The following STAC variants were observed in gnomAD, a reference collection of about 807,000 sequenced individuals.
STAC encodes the protein SH3 and cysteine-rich domain-containing protein.
STAC carries 43 observed loss-of-function variants against 48.8 expected under a neutral mutation model. The ratio of observed to expected loss-of-function variants is 0.88; its 90% CI spans 0.69 to 1.14. The LOEUF is 1.14. STAC is among the 50% of genes most tolerant of loss of function. STAC has a pLI of 0.00. For missense variants in STAC, 497 were observed against 504.0 expected (o/e 0.99, Z 0.13); for synonymous variants, 193 against 179.5 (o/e 1.07, Z -0.60).
intron 10 of STAC, among the ~76,000 whole-genome samples, chr3:36,541,456 T>C (rs1250556019): frequency 2.0e-5 from 3 of 152,350 alleles, no homozygotes; most frequent in South Asian, 4.1e-4. Flanking sequence ...GAGTGATTGA[T>C]GCAGAACTAA....
intron 2 of STAC, among the ~76,000 whole-genome samples, chr3:36,450,389 A>G (rs1192772622): frequency 6.6e-6 from 1 of 152,258 alleles, no homozygotes; most frequent in Non-Finnish European, 1.5e-5. Context: ...CCCAAAAGGC[A>G]GCCTGACACA....
At chr3:36,427,927 A>C (rs1351317271) in intron 1 of STAC, among the ~76,000 whole-genome samples, 1 of 152,196 alleles carries the variant, frequency 6.6e-6, no homozygotes, top group Non-Finnish European at 1.5e-5. Flanking sequence ...GCAAGCCCAC[A>C]CTGAGGAACA....
intron 8 of STAC, among the ~76,000 whole-genome samples, chr3:36,524,316 A>G (rs1038222632): frequency 2.2e-4 from 33 of 152,248 alleles, no homozygotes; most frequent in African/African-American, 7.9e-4. Context: ...TAAGCGGGCC[A>G]GGCGCGGTGG....
At chr3:36,460,008 T>G (rs895378751) in intron 2 of STAC, among the ~76,000 whole-genome samples, 3 of 152,122 alleles carry the variant, frequency 2.0e-5, no homozygotes, top group Non-Finnish European at 4.4e-5. Context: ...CAGTCTCTAC[T>G]TGGCAACCTT....
In STAC at chr3:36,486,117, T is replaced by C. The variant is rs769137683; in HGVS notation, c.572-17T>C. On this transcript the variant is annotated splice_polypyrimidine_tract_variant and intron_variant, in intron 4 of 10. Transcript: ENST00000273183. ...CTCAGATGAGCTTCCTCAGATGAAC[T>C]TTCTCTTCTGTTGCAGCCTGTGGCA... The C allele has an allele frequency of 1.2e-6, 2 of 1,604,046 alleles. No individual in the cohort carries two copies. The highest frequency in any genetic ancestry group is 2.2e-5 in the East Asian group (1 of 44,732).
chr3:36,469,279 C>A (rs963215612), intron 2 of STAC, among the ~76,000 whole-genome samples: 8 of 152,056 alleles, frequency 5.3e-5, no homozygotes, highest in Admixed American at 2.6e-4. Context: ...GCAGTGCTGG[C>A]TTGGTAGTGG....
intron 2 of STAC, among the ~76,000 whole-genome samples, chr3:36,455,760 G>GGTGTGTGTGTGTGT (rs71085125): frequency 1.3e-5 from 2 of 149,168 alleles, no homozygotes; most frequent in African/African-American, 4.9e-5. Context: ...GAAACAGGCA[G>GGTGTGTGTGTGTGT]GTGTGTGTGT....
In STAC at chr3:36,443,732, T is replaced by C; in HGVS notation, c.388+92T>C. On this transcript the variant is annotated intron_variant, in intron 2 of 10. Coordinates refer to ENST00000273183, the MANE Select transcript of STAC (RefSeq NM_003149.3). This position sits in a 1 kb window ranked among gnomAD's most constrained non-coding sequence, Gnocchi z 4.2. The stretch of plus-strand genomic sequence containing the variant: ...ACGGGTCCAGGTACCTACGGACAGA[T>C]GCTAGGCCTCAGAGATTTACATGTG... 6.8e-7 allele frequency: 1 copy of C among 1,477,528 alleles called. No individual in the cohort carries two copies. The highest frequency in any genetic ancestry group is 1.2e-5 in the South Asian group (1 of 80,766). 91.5% of individuals were successfully genotyped at this position (1,477,528 alleles called of 1,614,324 possible).
At chr3:36,478,700 C>G (rs774705076) in intron 2 of STAC, among the ~76,000 whole-genome samples, 1 of 152,054 alleles carries the variant, frequency 6.6e-6, no homozygotes, top group Non-Finnish European at 1.5e-5. Flanking sequence ...TTTGGCCAGG[C>G]TGGTTTCAAA....
chr3:36,467,436 G>A (rs1697209709), intron 2 of STAC, among the ~76,000 whole-genome samples: 1 of 152,050 alleles, frequency 6.6e-6, no homozygotes, highest in South Asian at 2.1e-4. Context: ...TTCTTTGAAT[G>A]TCTCTGATAG....
At chr3:36,429,949 C>T (rs1023797049) in intron 1 of STAC, among the ~76,000 whole-genome samples, 30 of 152,090 alleles carry the variant, frequency 2.0e-4, no homozygotes, top group Non-Finnish European at 4.0e-4. Context: ...GAGATGAATA[C>T]AGGAGATATT....
At chr3:36,501,287 C>T (rs1698277521) in intron 6 of STAC, among the ~76,000 whole-genome samples, 1 of 151,922 alleles carries the variant, frequency 6.6e-6, no homozygotes, top group South Asian at 2.1e-4. Context: ...AAACACTATA[C>T]TTAAGGAAAA....
At chr3:36,450,759 G>C (rs9917678) in intron 2 of STAC, among the ~76,000 whole-genome samples, 1 of 152,006 alleles carries the variant, frequency 6.6e-6, no homozygotes, top group African/African-American at 2.4e-5. Context: ...TCCCAAATTC[G>C]GGTGATCCAC....
intron 8 of STAC, among the ~76,000 whole-genome samples, chr3:36,506,644 A>G (rs1174958751): frequency 2.6e-5 from 4 of 152,146 alleles, no homozygotes; most frequent in African/African-American, 9.7e-5. Context: ...GGTCCTTCAC[A>G]TCCCTTGTAA....
intron 2 of STAC, among the ~76,000 whole-genome samples, chr3:36,460,402 T>C (rs1696981643): frequency 6.6e-6 from 1 of 152,196 alleles, no homozygotes; most frequent in African/African-American, 2.4e-5. Context: ...CTGGCAATAT[T>C]TGGGACACAC....
At chr3:36,414,739 G>A (rs543786779) in intron 1 of STAC, among the ~76,000 whole-genome samples, 1 of 152,266 alleles carries the variant, frequency 6.6e-6, no homozygotes, top group South Asian at 2.1e-4. Flanking sequence ...GAGGAGGAGA[G>A]GTGCTCTGAT....
intron 1 of STAC, among the ~76,000 whole-genome samples, chr3:36,381,538 G>T (rs548053327): frequency 2.6e-5 from 4 of 152,238 alleles, no homozygotes; most frequent in Non-Finnish European, 5.9e-5. Flanking sequence ...TAGTTATGTG[G>T]ATTCTTTTAA....
intron 2 of STAC, among the ~76,000 whole-genome samples, chr3:36,474,110 A>G (rs1474090701): frequency 6.6e-6 from 1 of 152,198 alleles, no homozygotes; most frequent in African/African-American, 2.4e-5. Context: ...AGTGGGCTGT[A>G]GAACCTTATA....
At chr3:36,487,346 T>A (rs1044715456) in intron 5 of STAC, among the ~76,000 whole-genome samples, 2 of 152,266 alleles carry the variant, frequency 1.3e-5, no homozygotes, top group African/African-American at 4.8e-5. Context: ...CCTGATGCCA[T>A]GTGGCTATCC....
Sources: allele counts gnomAD v4.1 joint callset (sites outside exome capture counted in the v4.1 genomes callset), GRCh38; gene constraint gnomAD v4.1.1; non-coding constraint Gnocchi (gnomAD v3.1); transcripts MANE v1.5; gene names NCBI Gene and HGNC (gene_info 2026-07-23, HGNC 2026-07-21).